TDRD3: variants seen among roughly 807,000 people sequenced by gnomAD.
TDRD3 encodes tudor domain containing 3.
Under a neutral mutation model 86.7 loss-of-function variants are expected in TDRD3, and 45 were observed. The observed-to-expected ratio is 0.52, with a 90% CI of 0.41 to 0.67. TDRD3 has a LOEUF of 0.67. Ranked by LOEUF, TDRD3 falls within the 30% of genes least tolerant of loss-of-function variation. The probability of loss-of-function intolerance (pLI) is 0.00; values close to 1 mark genes in which losing one functional copy is unlikely to be tolerated. For missense variants in TDRD3, 814 were observed against 889.0 expected (o/e 0.92, Z 1.07); for synonymous variants, 298 against 301.7 (o/e 0.99, Z 0.13).
chr13:60,470,371 A>G (rs1956050246), intron 5 of TDRD3, among the ~76,000 whole-genome samples: 1 of 152,110 alleles, frequency 6.6e-6, no homozygotes, highest in African/African-American at 2.4e-5. Context: ...CCAGCTTTCA[A>G]TTCTTTTGTG....
At chr13:60,533,168 A>T (rs918298500) in intron 11 of TDRD3, among the ~76,000 whole-genome samples, 49 of 152,288 alleles carry the variant, frequency 3.2e-4, no homozygotes, top group Middle Eastern at 6.8e-3. Flanking sequence ...CATGTCTCTA[A>T]ACTTGCTAAC....
At chr13:60,533,573 G>A (rs774931074) in intron 11 of TDRD3, among the ~76,000 whole-genome samples, 1 of 152,028 alleles carries the variant, frequency 6.6e-6, no homozygotes, top group Non-Finnish European at 1.5e-5. Flanking sequence ...CCCGAGAGGC[G>A]GAGGTTGCAG....
At chr13:60,428,029 G>GA (rs1433413186) in intron 1 of TDRD3, among the ~76,000 whole-genome samples, 1 of 152,012 alleles carries the variant, frequency 6.6e-6, no homozygotes, top group Non-Finnish European at 1.5e-5. Context: ...CTTTAGGGGA[G>GA]AATCAGTAAC....
At position 60,513,883 on chromosome 13, in the gene TDRD3, C is replaced by T. The variant is rs544479919; in HGVS notation, c.1141+3128C>T. ...GTCTCAGGTATGTCTTTATCAGCAG[C>T]AAGAAAATGAACTAATATAGTAAAT... is the stretch of plus-strand genomic sequence containing the variant. On this transcript the variant is annotated intron_variant, in intron 10 of 13. Transcript: ENST00000377881. Among the ~76,000 whole-genome samples the T allele has an allele frequency of 2.0e-5, 3 of 152,232 alleles. No homozygotes were observed. In the South Asian group the frequency reaches 6.2e-4, roughly 32 times the overall value.
chr13:60,420,903 C>A (rs544723217), intron 1 of TDRD3, among the ~76,000 whole-genome samples: 46 of 152,248 alleles, frequency 3.0e-4, no homozygotes, highest in African/African-American at 1.1e-3. Flanking sequence ...GAGATCACGT[C>A]ACTGTGCTCC....
chr13:60,492,942 G>A (rs1357109754), intron 7 of TDRD3, among the ~76,000 whole-genome samples: 2 of 112,198 alleles, frequency 1.8e-5, no homozygotes, highest in African/African-American at 6.1e-5. Flanking sequence ...TTTTTGAGAC[G>A]GAGTCTCGCT....
At position 60,427,985 on chromosome 13, in the gene TDRD3, CA is replaced by C. The variant is rs139095543; in HGVS notation, c.42-11699del. Among the ~76,000 whole-genome samples, 948 of 152,166 alleles carry C rather than the reference CA, an allele frequency of 6.2e-3. 6 individuals are homozygous for C. Among genetic ancestry groups the C allele is most frequent in the African/African-American group, 0.021 (878 of 41,512 alleles). ...GTTCTGGAGATCAGAAGTCTGAAAT[CA>C]AAATGTCTTTGGAGCTGTTCTCCCT... On this transcript the variant is annotated intron_variant, in intron 1 of 13. Transcript: ENST00000377881.
intron 10 of TDRD3, 67 bp downstream of exon 10, chr13:60,510,822 T>A (rs1957044040): frequency 2.9e-6 from 4 of 1,372,726 alleles, no homozygotes; most frequent in Non-Finnish European, 3.8e-6. Flanking sequence ...TTTTTTAGCG[T>A]ATTTCTTTTT....
At chr13:60,548,481 G>A (rs1432665996) in intron 12 of TDRD3, among the ~76,000 whole-genome samples, 13 of 152,066 alleles carry the variant, frequency 8.5e-5, no homozygotes, top group Admixed American at 5.9e-4. Context: ...TACATGAGCC[G>A]CTTGCCATTA....
At chr13:60,464,765 A>G (rs1955881969) in intron 4 of TDRD3, among the ~76,000 whole-genome samples, 1 of 152,112 alleles carries the variant, frequency 6.6e-6, no homozygotes, top group African/African-American at 2.4e-5. Context: ...GATCTCCTGG[A>G]GATAGTAAAA....
intron 5 of TDRD3, among the ~76,000 whole-genome samples, chr13:60,482,830 G>T (rs1195124165): frequency 1.3e-5 from 2 of 150,900 alleles, no homozygotes; most frequent in Non-Finnish European, 1.5e-5. Context: ...AAGTGCACAT[G>T]GTGGTTGTTT....
chr13:60,539,308 C>T (rs1392288532), intron 12 of TDRD3, among the ~76,000 whole-genome samples: 2 of 151,990 alleles, frequency 1.3e-5, no homozygotes, highest in African/African-American at 4.8e-5. Context: ...ATAAGAAAGT[C>T]ATAGTTTTTA....
chr13:60,405,449 A>G (rs565635404), intron 1 of TDRD3, among the ~76,000 whole-genome samples: 3 of 152,206 alleles, frequency 2.0e-5, no homozygotes, highest in Non-Finnish European at 4.4e-5. Context: ...TAGCCTTTTC[A>G]TGGTGGTCAG....
intron 8 of TDRD3, among the ~76,000 whole-genome samples, chr13:60,500,372 T>C (rs1175386243): frequency 6.6e-6 from 1 of 152,170 alleles, no homozygotes; most frequent in Non-Finnish European, 1.5e-5. Flanking sequence ...GTCCATGGTC[T>C]CCAATCCTGC....
intron 1 of TDRD3, among the ~76,000 whole-genome samples, chr13:60,427,031 TA>T (rs368972998): frequency 1.1e-4 from 16 of 152,310 alleles, no homozygotes; most frequent in South Asian, 6.2e-4. Context: ...ATTTGTATAT[TA>T]AAAAATATGT....
chr13:60,432,277 A>G (rs1444609096), intron 1 of TDRD3, among the ~76,000 whole-genome samples: 1 of 152,074 alleles, frequency 6.6e-6, no homozygotes, highest in Non-Finnish European at 1.5e-5. Context: ...CTCATGTGCT[A>G]TCTTTCCAAT....
chr13:60,509,690 A>T lies in TDRD3; in HGVS notation c.859-73A>T, dbSNP rs551906273. The T allele has an allele frequency of 3.2e-6, 5 of 1,563,500 alleles. No individual in the cohort carries two copies. In the African/African-American group the frequency reaches 6.8e-5, roughly 21 times the overall value. On this transcript the variant is annotated intron_variant, in intron 8 of 13. Transcript: ENST00000377881. ...GGGATGTAATTTTTAGTTAAAAGAC[A>T]GTAAGTAGTTAAAAGTTTATGCCTT... is the stretch of plus-strand genomic sequence containing the variant.
chr13:60,398,685 T>C (rs143942179), intron 1 of TDRD3, among the ~76,000 whole-genome samples: 2 of 152,368 alleles, frequency 1.3e-5, no homozygotes, highest in African/African-American at 4.8e-5. Context: ...ATGACATAGC[T>C]AGAAAGTGGT....
intron 2 of TDRD3, among the ~76,000 whole-genome samples, chr13:60,442,184 T>TA (rs1444917548): frequency 6.6e-6 from 1 of 152,214 alleles, no homozygotes; most frequent in Non-Finnish European, 1.5e-5. Flanking sequence ...ATGTAAGTTT[T>TA]ACGTTCAAAT....
Sources: allele counts gnomAD v4.1 joint callset (sites outside exome capture counted in the v4.1 genomes callset), GRCh38; gene constraint gnomAD v4.1.1; transcripts MANE v1.5; gene names NCBI Gene and HGNC (gene_info 2026-07-23, HGNC 2026-07-21).